ASMT: variants seen among roughly 807,000 people sequenced by gnomAD.
ASMT encodes the protein acetylserotonin O-methyltransferase.
Under a neutral mutation model 41.3 loss-of-function variants are expected in ASMT, and 53 were observed. That is an observed-to-expected ratio of 1.28 (90% CI 1.03 to 1.61). The LOEUF is 1.61. Among genes scored for constraint, ASMT ranks in the 40% most tolerant of loss-of-function variants. ASMT has a pLI of 0.00. For missense variants in ASMT, 531 were observed against 441.3 expected (o/e 1.20, Z -1.82); for synonymous variants, 231 against 184.8 (o/e 1.25, Z -2.03).
Position 1,627,721 on chromosome X carries a change from C to A in ASMT, c.393C>A (p.Tyr131Ter), listed in dbSNP as rs747180370. 1.2e-6 allele frequency: 2 copies of A among 1,613,802 alleles called. No homozygotes were observed. The highest frequency in any genetic ancestry group is 2.7e-5 in the African/African-American group (2 of 74,934). The change falls in exon 4 of 9, where the codon TAC (tyrosine) becomes TAA (stop). Residue 131 changes from tyrosine (Y) to a stop codon, truncating the protein, a stop_gained. Transcript: ENST00000381241. LOFTEE classifies it high-confidence loss of function. ...TTCTTAGAGAAGGAAGGAACCAGTA[C>A]CTGGAGACGTTTGGCGTTCCCGCTG... ...ADAVREGRNQ[Y>*]LETFGVPAEE...
At chrX:1,616,179 C>G (rs1429191087) in intron 1 of ASMT, among the ~76,000 whole-genome samples, 1 of 143,366 alleles carries the variant, frequency 7.0e-6, no homozygotes, top group Non-Finnish European at 1.6e-5. Context: ...CAGGCACCCA[C>G]CACCACGCCC....
chrX:1,631,219 T>C (rs1387441176), intron 5 of ASMT, among the ~76,000 whole-genome samples: 2 of 151,398 alleles, frequency 1.3e-5, no homozygotes, highest in Admixed American at 1.3e-4. Flanking sequence ...GAGCTCATTT[T>C]CAAACTTTTT....
Position 1,636,204 on chromosome X carries a change from A to G in ASMT, c.788-234A>G, listed in dbSNP as rs184158329. The stretch of plus-strand genomic sequence containing the variant: ...GATCTCCTGACCTCGTGATCTGCCC[A>G]CCTCCGCCTCCCAAAGTGCTAGGAT... On this transcript the variant is annotated intron_variant, in intron 7 of 8. Transcript: ENST00000381241. 3.9e-4 allele frequency: 230 copies of G among 594,690 alleles called. 4 individuals carry two copies. The highest frequency in any genetic ancestry group is 3.1e-3 in the African/African-American group (169 of 54,454). The allele number at this position is 594,690 out of a possible 1,614,324, so 36.8% of individuals were successfully genotyped here.
intron 8 of ASMT, among the ~76,000 whole-genome samples, chrX:1,641,994 G>C (rs762481572): frequency 6.7e-6 from 1 of 148,288 alleles, no homozygotes; most frequent in East Asian, 2.1e-4. Context: ...TGGTTCATGA[G>C]GACGTGGGCA....
At chrX:1,627,853 C>G in intron 4 of ASMT, 82 bp downstream of exon 4, 10 of 1,305,600 alleles carry the variant, frequency 7.7e-6, no homozygotes, top group Non-Finnish European at 1.1e-5. Flanking sequence ...AATCCATTTA[C>G]TCAAATGGCA....
intron 1 of ASMT, among the ~76,000 whole-genome samples, chrX:1,619,269 C>G (rs1467781108): frequency 1.3e-5 from 2 of 151,716 alleles, no homozygotes; most frequent in African/African-American, 4.8e-5. Flanking sequence ...TGGCGGGCAC[C>G]TGTAGTACCA....
At chrX:1,638,598 C>A (rs1298835349) in intron 8 of ASMT, among the ~76,000 whole-genome samples, 1 of 1,300 alleles carries the variant, frequency 7.7e-4, no homozygotes, top group African/African-American at 4.3e-3. Context: ...CTGTGAGGTC[C>A]ACCCATCCTG....
chrX:1,632,609 C>T (rs1315935011), intron 5 of ASMT, 95 bp from the exon 6 acceptor site: 5 of 159,530 alleles, frequency 3.1e-5, no homozygotes, highest in East Asian at 1.8e-4. Context: ...GAGCGGAAAT[C>T]GTGCCACTGC....
chrX:1,617,835 G>A (rs1180427620), intron 1 of ASMT, among the ~76,000 whole-genome samples: 4 of 151,822 alleles, frequency 2.6e-5, no homozygotes, highest in East Asian at 2.0e-4. Context: ...GGCTGGTCTC[G>A]AACTCCCAAC....
chrX:1,616,470 G>A (rs1220587185), intron 1 of ASMT, among the ~76,000 whole-genome samples: 8 of 151,368 alleles, frequency 5.3e-5, no homozygotes, highest in Non-Finnish European at 8.9e-5. Context: ...AGTGTTTAAC[G>A]GAGACAGTGT....
At position 1,643,017 on chromosome X, in the gene ASMT, G is replaced by C; in HGVS notation, c.*3G>C. ...ATGCCATTTTAGCCAGGAAATAACTGTTTCTTGTGACCTGGAACTAACGTC... is the reference window on the plus strand; with the variant it reads ...ATGCCATTTTAGCCAGGAAATAACTCTTTCTTGTGACCTGGAACTAACGTC... On this transcript the variant is annotated 3_prime_UTR_variant, in exon 9 of 9. Coordinates refer to ENST00000381241, the MANE Select transcript of ASMT (RefSeq NM_001171038.2). 7 of 1,613,798 alleles carry C rather than the reference G, an allele frequency of 4.3e-6. No individual in the cohort carries two copies. The highest frequency in any genetic ancestry group is 1.7e-4 in the Middle Eastern group (1 of 6,056).
At chrX:1,634,976 C>CTT (rs772826246) in intron 7 of ASMT, among the ~76,000 whole-genome samples, 44 of 112,106 alleles carry the variant, frequency 3.9e-4, no homozygotes, top group African/African-American at 1.1e-3. Context: ...TGAGTTAACT[C>CTT]TTTTTTTTTT....
rs766302366 is a variant in ASMT at position 1,628,021 on chromosome X, G to A, written c.443+250G>A. On this transcript the variant is annotated intron_variant, in intron 4 of 8. Transcript: ENST00000381241. ...GACTACTCACAAACTCAGTGTTTAT[G>A]TAGAAAATGGAGGCACGCGCCGGGC... is the stretch of plus-strand genomic sequence containing the variant. 3 of 588,930 alleles carry A rather than the reference G, an allele frequency of 5.1e-6. No homozygotes were observed. In the South Asian group the frequency reaches 6.2e-5, roughly 12 times the overall value. 36.5% of individuals were successfully genotyped at this position (588,930 alleles called of 1,614,324 possible). A position where few individuals can be genotyped will look rare whatever the true frequency, so the allele number is the denominator to read the frequency against.
intron 4 of ASMT, 38 bp from the exon 5 acceptor site, chrX:1,629,783 A>G: frequency 6.3e-7 from 1 of 1,598,830 alleles, no homozygotes; most frequent in Non-Finnish European, 8.6e-7. Context: ...ACGTCCCCAG[A>G]TCCTCACCAT....
intron 7 of ASMT, among the ~76,000 whole-genome samples, chrX:1,635,035 T>C (rs7884635): frequency 0.066 from 8,595 of 129,280 alleles, 447 homozygotes; most frequent in South Asian, 0.13. Context: ...AGTGCAGTGG[T>C]GGGATCTCGG....
Position 1,642,913 on chromosome X carries a change from AC to A in ASMT, c.1026del (p.Thr343ProfsTer28). On this transcript the variant is annotated frameshift_variant, in exon 9 of 9. Transcript: ENST00000381241. LOFTEE classifies it high-confidence loss of function. ...MLVQTEGQER[T>X]PTHYHMLLSS... ...TGTGCAGACGGAAGGGCAGGAGAGG[AC>A]CCCCACCCACTACCACATGCTCCTC... The A allele has an allele frequency of 6.2e-7, 1 of 1,611,068 alleles. No individual in the cohort carries two copies. The highest frequency in any genetic ancestry group is 1.7e-4 in the Middle Eastern group (1 of 6,056).
intron 1 of ASMT, among the ~76,000 whole-genome samples, chrX:1,617,793 T>G (rs1264206159): frequency 1.3e-5 from 2 of 151,466 alleles, no homozygotes; most frequent in African/African-American, 4.8e-5. Context: ...TTTTGTATTT[T>G]TAGTAGAGAT....
intron 1 of ASMT, 35 bp downstream of exon 1, chrX:1,615,303 C>G: frequency 1.3e-6 from 2 of 1,544,674 alleles, no homozygotes; most frequent in Non-Finnish European, 1.8e-6. Flanking sequence ...GGGGAATAGA[C>G]TTCCGTTCAT....
intron 1 of ASMT, among the ~76,000 whole-genome samples, chrX:1,617,529 T>C (rs1191411348): frequency 6.6e-6 from 1 of 152,104 alleles, no homozygotes; most frequent in African/African-American, 2.4e-5. Flanking sequence ...TGACGATATT[T>C]TGAGATGTCT....
Sources: allele counts gnomAD v4.1 joint callset (sites outside exome capture counted in the v4.1 genomes callset), GRCh38; gene constraint gnomAD v4.1.1; transcripts MANE v1.5; gene names NCBI Gene and HGNC (gene_info 2026-07-23, HGNC 2026-07-21).